The following DAPP1 variants were observed in gnomAD, a reference collection of about 807,000 sequenced individuals.
DAPP1 encodes dual adaptor of phosphotyrosine and 3-phosphoinositides 1, also known as dual adapter for phosphotyrosine and 3-phosphotyrosine and 3-phosphoinositide.
Under a neutral mutation model 41.5 loss-of-function variants are expected in DAPP1, and 20 were observed. The ratio of observed to expected loss-of-function variants is 0.48; its 90% CI spans 0.34 to 0.70. DAPP1 has a LOEUF of 0.70. Ranked by LOEUF, DAPP1 falls within the 30% of genes least tolerant of loss-of-function variation. The pLI is 0.01. For missense variants in DAPP1, 233 were observed against 333.4 expected, an observed-to-expected ratio of 0.70 and a Z score of 2.35; for synonymous variants, 113 against 116.2, an observed-to-expected ratio of 0.97 and a Z score of 0.18.
intron 4 of DAPP1, among the ~76,000 whole-genome samples, chr4:99,860,509 T>C (rs1157280419): frequency 6.6e-6 from 1 of 152,220 alleles, no homozygotes; most frequent in Non-Finnish European, 1.5e-5. Flanking sequence ...TTCACCAATA[T>C]TGATTAATAT....
intron 8 of DAPP1, 106 bp from the exon 9 acceptor site, chr4:99,868,011 T>A (rs1387867244): frequency 1.0e-6 from 1 of 988,012 alleles, no homozygotes; most frequent in Non-Finnish European, 1.6e-6. Context: ...AACTTAGAGT[T>A]GTATGACATC....
chr4:99,839,799 C>T (rs538254542), intron 2 of DAPP1, among the ~76,000 whole-genome samples: 5 of 152,340 alleles, frequency 3.3e-5, no homozygotes, highest in East Asian at 3.9e-4. Flanking sequence ...TGGTGGCTAA[C>T]GCCTGTAATC....
At chr4:99,863,370 C>A (rs1201434566) in intron 6 of DAPP1, among the ~76,000 whole-genome samples, 2 of 152,136 alleles carry the variant, frequency 1.3e-5, no homozygotes, top group Non-Finnish European at 2.9e-5. Context: ...CTCTTTGCAG[C>A]AATTTGTCCC....
At chr4:99,866,764 C>G in intron 8 of DAPP1, 1 of 416,026 alleles carries the variant, frequency 2.4e-6, no homozygotes, top group East Asian at 4.2e-5. Context: ...TTCTTTTTTT[C>G]TATTTTTTTT....
At chr4:99,872,272 T>C (rs1468975612), downstream of DAPP1, among the ~76,000 whole-genome samples, 1 of 152,154 alleles carries the variant, frequency 6.6e-6, no homozygotes, top group Non-Finnish European at 1.5e-5. Flanking sequence ...CTTGAAGATA[T>C]TGCAGGTTTG....
At chr4:99,818,119 T>A (rs1722651517) in intron 1 of DAPP1, among the ~76,000 whole-genome samples, 1 of 152,232 alleles carries the variant, frequency 6.6e-6, no homozygotes, top group Non-Finnish European at 1.5e-5. Flanking sequence ...TTCCTGTCTT[T>A]AGATTATAAA....
chr4:99,842,021 C>A (rs1243716095), intron 3 of DAPP1, among the ~76,000 whole-genome samples: 3 of 152,214 alleles, frequency 2.0e-5, no homozygotes, highest in African/African-American at 4.8e-5. Flanking sequence ...TGCCTACTGG[C>A]AGATTTCAAA....
At chr4:99,839,348 GATATATATAT>G (rs34658186) in intron 2 of DAPP1, among the ~76,000 whole-genome samples, 1 of 144,232 alleles carries the variant, frequency 6.9e-6, no homozygotes, top group African/African-American at 2.6e-5. Flanking sequence ...TGGAGAGGCA[GATATATATAT>G]ATAGATATAT....
At chr4:99,827,559 C>CAA (rs796512554) in intron 1 of DAPP1, among the ~76,000 whole-genome samples, 18 of 121,036 alleles carry the variant, frequency 1.5e-4, no homozygotes, top group African/African-American at 5.9e-4. Flanking sequence ...AAAAACAAAA[C>CAA]AAAAAACACC....
chr4:99,843,584 T>G (rs1046123039), intron 3 of DAPP1, among the ~76,000 whole-genome samples: 2 of 152,212 alleles, frequency 1.3e-5, no homozygotes, highest in African/African-American at 4.8e-5. Flanking sequence ...TTCACTCTAA[T>G]TTCTTTTTAT....
At chr4:99,847,875 G>A (rs552643707) in intron 3 of DAPP1, among the ~76,000 whole-genome samples, 4 of 151,842 alleles carry the variant, frequency 2.6e-5, no homozygotes, top group African/African-American at 7.3e-5. Flanking sequence ...GTACAGTGGC[G>A]CCATCTCGGC....
At chr4:99,853,028 ATG>A (rs1396298870) in intron 3 of DAPP1, among the ~76,000 whole-genome samples, 188 bp from the exon 4 acceptor site, 1 of 152,144 alleles carries the variant, frequency 6.6e-6, no homozygotes, top group Non-Finnish European at 1.5e-5. Context: ...CATCTCCATC[ATG>A]CTTTATATCT....
At chr4:99,830,764 T>TTC (rs924587543) in intron 1 of DAPP1, among the ~76,000 whole-genome samples, 3 of 151,232 alleles carry the variant, frequency 2.0e-5, no homozygotes, top group Non-Finnish European at 1.5e-5. Flanking sequence ...AACTCTCTCT[T>TTC]TCTCTCTCTC....
At chr4:99,850,580 A>G (rs1723820028) in intron 3 of DAPP1, among the ~76,000 whole-genome samples, 1 of 152,194 alleles carries the variant, frequency 6.6e-6, no homozygotes, top group African/African-American at 2.4e-5. Context: ...ATAAGAGTTC[A>G]AAATGTATCT....
At chr4:99,824,919 A>G (rs17029528) in intron 1 of DAPP1, among the ~76,000 whole-genome samples, 1,576 of 152,290 alleles carry the variant, frequency 0.01, 23 homozygotes, top group African/African-American at 0.035. Flanking sequence ...GGGACCGAAC[A>G]GAAGGATCTC....
chr4:99,830,742 A>G (rs4463077), intron 1 of DAPP1, among the ~76,000 whole-genome samples: 151,968 of 152,252 alleles, frequency 1, 75,850 homozygotes, highest in Middle Eastern at 1. Context: ...GACTTTTAAT[A>G]GGAAAAAGCC....
intron 1 of DAPP1, among the ~76,000 whole-genome samples, chr4:99,824,484 C>T (rs1722873399): frequency 6.6e-6 from 1 of 152,186 alleles, no homozygotes; most frequent in Admixed American, 6.5e-5. Context: ...TCGCCTAAAC[C>T]ATGGAATAGA....
chr4:99,861,702 T>G, intron 5 of DAPP1, 77 bp downstream of exon 5: 1 of 1,479,352 alleles, frequency 6.8e-7, no homozygotes, highest in Non-Finnish European at 9.2e-7. Context: ...CTCATCTTGA[T>G]AGTTTTTCTT....
chr4:99,843,398 T>A (rs1723559931), intron 3 of DAPP1, among the ~76,000 whole-genome samples: 1 of 152,194 alleles, frequency 6.6e-6, no homozygotes, highest in Non-Finnish European at 1.5e-5. Context: ...TAAGATATCT[T>A]TTTTTTCTAT....
Sources: allele counts gnomAD v4.1 joint callset (sites outside exome capture counted in the v4.1 genomes callset), GRCh38; gene constraint gnomAD v4.1.1; transcripts MANE v1.5; gene names NCBI Gene and HGNC (gene_info 2026-07-23, HGNC 2026-07-21).